CRTAC1: variants seen among roughly 807,000 people sequenced by gnomAD.
CRTAC1 encodes cartilage acidic protein 1.
In CRTAC1, 37 loss-of-function variants were observed where a neutral mutation model predicts 67.8. The observed-to-expected ratio is 0.55, with a 90% CI of 0.42 to 0.72. The LOEUF (loss-of-function observed/expected upper bound fraction) is 0.72. Ranked by LOEUF, CRTAC1 falls within the 30% of genes least tolerant of loss-of-function variation. The pLI is 0.00. For synonymous variants in CRTAC1, 348 were observed against 371.0 expected (o/e 0.94, Z 0.71); for missense variants, 780 against 931.6 (o/e 0.84, Z 2.12).
intron 14 of CRTAC1, among the ~76,000 whole-genome samples, chr10:97,875,393 C>A (rs968987119): frequency 3.9e-5 from 6 of 152,220 alleles, no homozygotes; most frequent in Non-Finnish European, 4.4e-5. Context: ...TCTCATTTTC[C>A]CTCTGGTGGC....
In CRTAC1 at chr10:97,961,075, A is replaced by AT. The variant is rs1201165669; in HGVS notation, c.225-24710dup. 7.9e-5 allele frequency among the ~76,000 whole-genome samples: 12 copies of AT among 151,596 alleles called. No homozygotes were observed. In the South Asian group the frequency reaches 1.0e-3, roughly 13 times the overall value. The stretch of plus-strand genomic sequence containing the variant: ...GTCATTGTGTGCAACTGGTCTTGTA[A>AT]TTTTTTTTTAATTTTATTTTAGCAA... On this transcript the variant is annotated intron_variant, in intron 2 of 14. Transcript: ENST00000370597.
rs555420882 is a variant in CRTAC1 at position 98,002,093 on chromosome 10, G to A, written c.224+9045C>T. ...GCCTCTGCAGCCTGCAGTAGGGCCC[G>A]CGGGACTAAGAAGGTCCTTCAGCCA... is the stretch of plus-strand genomic sequence containing the variant. On this transcript the variant is annotated intron_variant, in intron 2 of 14. Transcript: ENST00000370597. Among the ~76,000 whole-genome samples the A allele has an allele frequency of 1.7e-4, 26 of 152,280 alleles. No individual in the cohort carries two copies. In the South Asian group the frequency reaches 5.0e-3, roughly 29 times the overall value.
chr10:98,009,582 G>A (rs747914861), intron 2 of CRTAC1, among the ~76,000 whole-genome samples: 1 of 152,134 alleles, frequency 6.6e-6, no homozygotes, highest in Non-Finnish European at 1.5e-5. Context: ...AAATTGCATA[G>A]GGTTTATAGA....
chr10:97,914,573 C>T (rs2050732337), intron 5 of CRTAC1, among the ~76,000 whole-genome samples: 1 of 152,322 alleles, frequency 6.6e-6, no homozygotes, highest in East Asian at 1.9e-4. Flanking sequence ...GGCTCCAGAC[C>T]CTGTCCCCTC....
At chr10:97,936,467 T>C (rs2051091011) in intron 2 of CRTAC1, 101 bp from the exon 3 acceptor site, 1 of 942,710 alleles carries the variant, frequency 1.1e-6, no homozygotes, top group African/African-American at 1.6e-5. Flanking sequence ...GGACACGCCA[T>C]GGGGCAAGTC....
intron 3 of CRTAC1, among the ~76,000 whole-genome samples, chr10:97,935,836 G>A (rs2051077575): frequency 6.6e-6 from 1 of 152,140 alleles, no homozygotes; most frequent in African/African-American, 2.4e-5. Flanking sequence ...CTTGAGCCAG[G>A]GCAGGGCAGT....
intron 1 of CRTAC1, among the ~76,000 whole-genome samples, chr10:98,013,872 T>A (rs1564935737): frequency 6.6e-6 from 1 of 152,204 alleles, no homozygotes; most frequent in Non-Finnish European, 1.5e-5. Flanking sequence ...CCATCATTAG[T>A]GTGGATCCTG....
chr10:97,971,622 T>C (rs1157066813), intron 2 of CRTAC1, among the ~76,000 whole-genome samples: 2 of 152,234 alleles, frequency 1.3e-5, no homozygotes, highest in African/African-American at 2.4e-5. Flanking sequence ...CATAATGCCA[T>C]TGAACTGTAC....
At chr10:97,955,283 A>G (rs2051422903) in intron 2 of CRTAC1, among the ~76,000 whole-genome samples, 1 of 152,234 alleles carries the variant, frequency 6.6e-6, no homozygotes, top group African/African-American at 2.4e-5. Context: ...AGGGGGAGAA[A>G]GAGACGGGCT....
At chr10:98,017,693 CCTGG>C (rs1487378976) in intron 1 of CRTAC1, among the ~76,000 whole-genome samples, 1 of 150,368 alleles carries the variant, frequency 6.7e-6, no homozygotes, top group African/African-American at 2.5e-5. Context: ...TGCTAACACT[CCTGG>C]CTATTTTTTT....
intron 3 of CRTAC1, among the ~76,000 whole-genome samples, chr10:97,924,144 C>T (rs1446954841): frequency 1.3e-5 from 2 of 152,158 alleles, no homozygotes; most frequent in Non-Finnish European, 2.9e-5. Flanking sequence ...CTGTGGCCTT[C>T]TGGAGCTCGT....
intron 11 of CRTAC1, among the ~76,000 whole-genome samples, chr10:97,890,933 C>A (rs1298625517): frequency 6.6e-6 from 1 of 152,220 alleles, no homozygotes; most frequent in Non-Finnish European, 1.5e-5. Context: ...TCCCAAAGCG[C>A]TGGGAGGACA....
At chr10:97,972,642 A>G (rs754118364) in intron 2 of CRTAC1, among the ~76,000 whole-genome samples, 5 of 152,264 alleles carry the variant, frequency 3.3e-5, no homozygotes, top group Non-Finnish European at 5.9e-5. Context: ...GATACTATAT[A>G]TAGTAGCAAA....
chr10:97,883,057 C>T (rs1213445648), intron 12 of CRTAC1, among the ~76,000 whole-genome samples: 1 of 152,216 alleles, frequency 6.6e-6, no homozygotes, highest in Non-Finnish European at 1.5e-5. Context: ...TTGCTCATTT[C>T]CCTGTGCAAA....
At chr10:98,020,798 G>A (rs1167699800) in intron 1 of CRTAC1, among the ~76,000 whole-genome samples, 1 of 152,258 alleles carries the variant, frequency 6.6e-6, no homozygotes, top group Non-Finnish European at 1.5e-5. Flanking sequence ...AAGGAGTGCA[G>A]CAAAGGAGGC....
intron 2 of CRTAC1, among the ~76,000 whole-genome samples, chr10:97,984,115 T>C (rs961398427): frequency 2.0e-5 from 3 of 152,036 alleles, no homozygotes; most frequent in Non-Finnish European, 4.4e-5. Flanking sequence ...CTGCTTCCCA[T>C]GTGAAGGCGA....
chr10:97,872,623 A>C (rs185599918), intron 14 of CRTAC1, among the ~76,000 whole-genome samples: 90 of 152,306 alleles, frequency 5.9e-4, no homozygotes, highest in African/African-American at 1.9e-3. Context: ...CACTGGCTGG[A>C]TGGCTGGCTG....
chr10:97,905,267 G>A (rs1161026415), intron 6 of CRTAC1, among the ~76,000 whole-genome samples: 1 of 152,176 alleles, frequency 6.6e-6, no homozygotes, highest in Admixed American at 6.5e-5. Context: ...GGTTCTGCCT[G>A]ACCATGGTCC....
chr10:97,991,706 G>A (rs1318903835), intron 2 of CRTAC1, among the ~76,000 whole-genome samples: 3 of 152,310 alleles, frequency 2.0e-5, no homozygotes, highest in East Asian at 1.9e-4. Flanking sequence ...GTATCAGCAA[G>A]TTACCAGTGT....
Sources: gnomAD v4.1 joint callset for allele counts (sites outside exome capture counted in the v4.1 genomes callset) on GRCh38, gnomAD v4.1.1 for gene constraint, MANE v1.5 for transcripts, NCBI Gene and HGNC (gene_info 2026-07-23, HGNC 2026-07-21) for gene names.